The following CDC20B variants were observed in gnomAD, a reference collection of about 807,000 sequenced individuals.
CDC20B encodes cell division cycle 20B.
A neutral mutation model predicts 64.1 loss-of-function variants in CDC20B; 58 were observed. That is an observed-to-expected ratio of 0.90 (90% CI 0.73 to 1.13). The LOEUF is 1.13. CDC20B is among the 50% of genes most tolerant of loss of function. The pLI is 0.00. For missense variants in CDC20B, 597 were observed against 633.0 expected (o/e 0.94, Z 0.61); for synonymous variants, 243 against 230.6 (o/e 1.05, Z -0.49).
At chr5:55,163,793 C>T (rs1238872987) in intron 2 of CDC20B, among the ~76,000 whole-genome samples, 2 of 149,992 alleles carry the variant, frequency 1.3e-5, no homozygotes, top group African/African-American at 4.9e-5. Context: ...CAGACTGAGC[C>T]ACGGCTCCCA....
intron 7 of CDC20B, among the ~76,000 whole-genome samples, chr5:55,127,640 T>G (rs1742928022): frequency 6.6e-6 from 1 of 152,212 alleles, no homozygotes; most frequent in Admixed American, 6.5e-5. Flanking sequence ...TGAGAATTAT[T>G]ACCACATTTC....
Position 55,113,559 on chromosome 5 carries a change from A to T in CDC20B, c.*659T>A, listed in dbSNP as rs920911624. ...GCAGACTGGCTGTCAGGCACACAGG[A>T]TGTGACTAGGTGAAGCAAAAGAAAA... On this transcript the variant is annotated 3_prime_UTR_variant, in exon 12 of 12. Coordinates refer to ENST00000381375, the MANE Select transcript of CDC20B (RefSeq NM_001170402.1). The T allele has an allele frequency of 1.3e-5, 2 of 152,638 alleles. No homozygotes were observed. Among genetic ancestry groups the T allele is most frequent in the African/African-American group, 4.8e-5 (2 of 41,442 alleles). 9.5% of individuals were successfully genotyped at this position (152,638 alleles called of 1,614,324 possible). A position where few individuals can be genotyped will look rare whatever the true frequency, so the allele number is the denominator to read the frequency against.
intron 2 of CDC20B, among the ~76,000 whole-genome samples, chr5:55,147,401 A>T (rs1173033347): frequency 7.1e-6 from 1 of 140,626 alleles, no homozygotes; most frequent in Non-Finnish European, 1.5e-5. Flanking sequence ...ATATTTATAT[A>T]TAAAATATGT....
In CDC20B at chr5:55,124,856, C is replaced by G; in HGVS notation, c.1162G>C (p.Ala388Pro). ...LLTIWPHDPGASAQGQPLKVI... is the reference protein window; with the variant it reads ...LLTIWPHDPGPSAQGQPLKVI... ...TTCAGCGGTTGGCCCTGTGCACTGG[C>G]ACCTGGATCGTGGGGCCATATTGTC... is the stretch of plus-strand genomic sequence containing the variant. The change falls in exon 9 of 12, where the codon GCC becomes CCC. Residue 388 changes from alanine to proline, a missense_variant. Ala to Pro is a conservative substitution (Grantham distance 27). Around this residue, in one of 3 missense-constraint regions of CDC20B, gnomAD observed 353 missense variants for 397.0 expected, o/e 0.89. Transcript: ENST00000381375. 3.1e-6 allele frequency: 5 copies of G among 1,614,176 alleles called. No homozygotes were observed. Among genetic ancestry groups the G allele is most frequent in the Non-Finnish European group, 4.2e-6 (5 of 1,180,024 alleles).
At position 55,160,973 on chromosome 5, in the gene CDC20B, A is replaced by AT. The variant is rs780470415; in HGVS notation, c.126+11614dup. 8.8e-6 allele frequency: 14 copies of AT among 1,583,874 alleles called. No homozygotes were observed. In the Admixed American group the frequency reaches 1.7e-4, roughly 19 times the overall value. ...ATCTTTTGCTTCACTTTCCGGTTGG[A>AT]TTTTTTTCTTTTTCCGGGAGGTTTC... On this transcript the variant is annotated intron_variant, in intron 2 of 11. Coordinates refer to ENST00000381375, the MANE Select transcript of CDC20B (RefSeq NM_001170402.1).
intron 2 of CDC20B, among the ~76,000 whole-genome samples, chr5:55,150,976 G>T (rs1316721411): frequency 6.6e-6 from 1 of 152,052 alleles, no homozygotes; most frequent in Non-Finnish European, 1.5e-5. Flanking sequence ...TAACTCCTGG[G>T]CTCAAGCAAT....
chr5:55,124,755 A>C, intron 9 of CDC20B, 48 bp downstream of exon 9: 1 of 1,457,708 alleles, frequency 6.9e-7, no homozygotes, highest in Non-Finnish European at 9.5e-7. Context: ...AAGGATACCC[A>C]GTGGCCTCTG....
At position 55,124,874 on chromosome 5, in the gene CDC20B, A is replaced by G. The variant is rs1742840381; in HGVS notation, c.1144T>C (p.Trp382Arg). ...GCACTGGCACCTGGATCGTGGGGCC[A>G]TATTGTCAGCAGTCCATCACTGCAG... ...SGCSDGLLTI[W>R]PHDPGASAQG... Residue 382 changes from tryptophan to arginine, a missense_variant, in exon 9 of 12, where the codon TGG becomes CGG. This residue lies in a region of CDC20B where 353 missense variants were observed against 397.0 expected (regional missense o/e 0.89). Coordinates refer to ENST00000381375, the MANE Select transcript of CDC20B (RefSeq NM_001170402.1). The G allele has an allele frequency of 1.9e-6, 3 of 1,614,160 alleles. No homozygotes were observed. The highest frequency in any genetic ancestry group is 1.7e-6 in the Non-Finnish European group (2 of 1,180,016).
Position 55,124,931 on chromosome 5 carries a change from A to G in CDC20B, c.1087T>C (p.Trp363Arg), listed in dbSNP as rs759894199. ...RHKQAVCALK[W>R]SPDGRLLSSG... ...GAAAGCAGCCTGCCATCCGGTGACC[A>G]CTTCAGAGCACACACAGCTTGCTTG... Residue 363 changes from tryptophan to arginine, a missense_variant, in exon 9 of 12, where the codon TGG becomes CGG. This residue lies in a region of CDC20B where 353 missense variants were observed against 397.0 expected (regional missense o/e 0.89). Transcript: ENST00000381375. The G allele has an allele frequency of 2.4e-5, 38 of 1,614,188 alleles. No homozygotes were observed. The Middle Eastern group carries it at 4.9e-4, about 21-fold the overall frequency.
intron 2 of CDC20B, among the ~76,000 whole-genome samples, chr5:55,152,083 G>A (rs141219356): frequency 4.6e-5 from 7 of 152,368 alleles, no homozygotes; most frequent in African/African-American, 1.7e-4. Flanking sequence ...AAGAGGCAGT[G>A]ACCGGAGTGA....
intron 5 of CDC20B, 61 bp from the exon 6 acceptor site, chr5:55,133,589 G>A: frequency 1.4e-6 from 1 of 728,116 alleles, no homozygotes; most frequent in Non-Finnish European, 2.1e-6. Context: ...ATTTATTCTT[G>A]TGGGAATTAA....
At chr5:55,170,572 C>T (rs750666930) in intron 2 of CDC20B, 1 of 534,750 alleles carries the variant, frequency 1.9e-6, no homozygotes, top group Non-Finnish European at 3.8e-6. Flanking sequence ...TAGCCGATGC[C>T]ATTCACATAT....
In CDC20B at chr5:55,133,397, TA is replaced by T; in HGVS notation, c.697+14del. On this transcript the variant is annotated intron_variant, in intron 6 of 11. Coordinates refer to ENST00000381375, the MANE Select transcript of CDC20B (RefSeq NM_001170402.1). ...TCATTTCAACTTTTAATTCCCAATC[TA>T]AATGATAACTTACAGTAGTCATTTC... The T allele has an allele frequency of 7.7e-7, 1 of 1,296,762 alleles. No homozygotes were observed. Among genetic ancestry groups the T allele is most frequent in the Non-Finnish European group, 1.1e-6 (1 of 931,104 alleles). 80.3% of individuals were successfully genotyped at this position (1,296,762 alleles called of 1,614,324 possible).
chr5:55,144,486 G>A (rs1743418616), intron 3 of CDC20B, among the ~76,000 whole-genome samples: 1 of 152,164 alleles, frequency 6.6e-6, no homozygotes, highest in Non-Finnish European at 1.5e-5. Flanking sequence ...GGACAACCAT[G>A]AGCTTGATAA....
intron 2 of CDC20B, among the ~76,000 whole-genome samples, chr5:55,171,996 A>T (rs1449949426): frequency 6.6e-6 from 1 of 152,210 alleles, no homozygotes; most frequent in Non-Finnish European, 1.5e-5. Flanking sequence ...AAGATGAACT[A>T]TTGAGCCTAG....
intron 2 of CDC20B, chr5:55,160,090 G>A (rs1743951177): frequency 2.5e-6 from 2 of 789,302 alleles, no homozygotes; most frequent in Admixed American, 4.3e-5. Flanking sequence ...AGTGAAAGCA[G>A]TCAGCCTGTC....
intron 2 of CDC20B, chr5:55,172,376 G>T: frequency 1.9e-6 from 1 of 515,122 alleles, no homozygotes; most frequent in Non-Finnish European, 3.5e-6. Flanking sequence ...TGTGGAGGCA[G>T]AAACTAGAAA....
chr5:55,146,510 AAAGAG>A, intron 3 of CDC20B, 113 bp downstream of exon 3: 1 of 678,328 alleles, frequency 1.5e-6, no homozygotes, highest in Non-Finnish European at 2.5e-6. Flanking sequence ...AAAGGGAGAA[AAAGAG>A]AAAAGAGTTG....
At chr5:55,145,300 T>A (rs1053743938) in intron 3 of CDC20B, among the ~76,000 whole-genome samples, 1 of 152,230 alleles carries the variant, frequency 6.6e-6, no homozygotes, top group Non-Finnish European at 1.5e-5. Context: ...GGAATTTCAT[T>A]GATTTGAAAA....
Sources: allele counts gnomAD v4.1 joint callset (sites outside exome capture counted in the v4.1 genomes callset), GRCh38; gene constraint gnomAD v4.1.1; regional missense constraint gnomAD v4.1.1; transcripts MANE v1.5; gene names NCBI Gene and HGNC (gene_info 2026-07-23, HGNC 2026-07-21).